Variants in NUP98 observed in about 807,000 individuals in gnomAD.
The protein encoded by NUP98 is nucleoporin 98 and 96 precursor, also known as nuclear pore complex protein Nup98-Nup96.
NUP98 carries 26 observed loss-of-function variants against 191.9 expected under a neutral mutation model. That is an observed-to-expected ratio of 0.14 (90% CI 0.10 to 0.19). The LOEUF (loss-of-function observed/expected upper bound fraction) is 0.19. NUP98 is among the 10% of genes least tolerant of loss of function. NUP98 has a pLI of 1.00. For synonymous variants in NUP98, 808 were observed against 778.4 expected (o/e 1.04, Z -0.63); for missense variants, 1,941 against 2,178.8 (o/e 0.89, Z 2.17).
chr11:3,778,433 C>T (rs1027076932), intron 4 of NUP98, among the ~76,000 whole-genome samples: 7 of 152,136 alleles, frequency 4.6e-5, no homozygotes, highest in African/African-American at 1.7e-4. Flanking sequence ...GGAGGAGTAA[C>T]CATGTCACGT....
Position 3,744,494 on chromosome 11 carries a change from G to C in NUP98, c.1408+15C>G. 6.3e-7 allele frequency: 1 copy of C among 1,587,988 alleles called. No homozygotes were observed. The highest frequency in any genetic ancestry group is 8.5e-7 in the Non-Finnish European group (1 of 1,172,140). ...AAAAAATTAAGAAAAGCCTTCTAAAGTGACTGACACTTACCTACTGGGGCC... is the reference window on the plus strand; with the variant it reads ...AAAAAATTAAGAAAAGCCTTCTAAACTGACTGACACTTACCTACTGGGGCC... On this transcript the variant is annotated intron_variant, in intron 12 of 32. Transcript: ENST00000324932.
chr11:3,762,926 A>G lies in NUP98; in HGVS notation c.1062T>C (p.Asn354=). 1 of 1,614,160 alleles carries G rather than the reference A, an allele frequency of 6.2e-7. No individual in the cohort carries two copies. Among genetic ancestry groups the G allele is most frequent in the Non-Finnish European group, 8.5e-7 (1 of 1,180,024 alleles). The change falls in exon 9 of 33, where the codon AAT becomes AAC. Residue 354 remains asparagine, a synonymous_variant. Transcript: ENST00000324932. The part of the protein sequence containing the change: ...GTGTGLFGQT[N]TGFGAVGSTL... The stretch of plus-strand genomic sequence containing the variant: ...CCGAACCAACAGCACCAAATCCAGT[A>G]TTGGTCTGCCCAAAGAGACCTGTTC...
chr11:3,752,938 T>G (rs2080818642), intron 11 of NUP98, among the ~76,000 whole-genome samples: 1 of 152,192 alleles, frequency 6.6e-6, no homozygotes, highest in Non-Finnish European at 1.5e-5. Context: ...CATGTGCTCT[T>G]ATTGCTCTGC....
Position 3,723,168 on chromosome 11 carries a change from A to C in NUP98, c.2135T>G (p.Met712Arg). Residue 712 changes from methionine (M) to arginine (R), a missense_variant, in exon 16 of 33, where the codon ATG (methionine) becomes AGG (arginine). By Grantham distance (91) the Met-to-Arg change is moderately conservative. Coordinates refer to ENST00000324932, the MANE Select transcript of NUP98 (RefSeq NM_016320.5). ...AATCTGAACCTGACCTGCTGGGTGC[A>C]TATGGTAAGAATTATTTTCTATTTC... The part of the protein sequence containing the change: ...REEIENNSYH[M>R]HPAGIILTKV... The C allele has an allele frequency of 6.2e-7, 1 of 1,614,094 alleles. No homozygotes were observed.
chr11:3,746,099 G>C (rs1223545201), intron 11 of NUP98, among the ~76,000 whole-genome samples: 1 of 151,738 alleles, frequency 6.6e-6, no homozygotes, highest in African/African-American at 2.4e-5. Context: ...GAGAAACCCT[G>C]TCTCTACTAA....
At chr11:3,706,251 T>C (rs1292162025) in intron 21 of NUP98, among the ~76,000 whole-genome samples, 194 bp downstream of exon 21, 1 of 152,208 alleles carries the variant, frequency 6.6e-6, no homozygotes, top group Non-Finnish European at 1.5e-5. Context: ...CCCTATCTAC[T>C]AGTTCTCAAT....
At chr11:3,679,140 A>G (rs1048420603) in intron 31 of NUP98, among the ~76,000 whole-genome samples, 1 of 151,816 alleles carries the variant, frequency 6.6e-6, no homozygotes, top group Non-Finnish European at 1.5e-5. Flanking sequence ...AAAAAAAAAA[A>G]AAAACTGACC....
At chr11:3,746,070 G>C (rs925171214) in intron 11 of NUP98, among the ~76,000 whole-genome samples, 2 of 151,888 alleles carry the variant, frequency 1.3e-5, no homozygotes, top group Non-Finnish European at 2.9e-5. Context: ...AGGAGTTCAA[G>C]ACCAGCCTGA....
In NUP98 at chr11:3,719,443, G is replaced by T; in HGVS notation, c.2368C>A (p.Gln790Lys). ...KEVVVYLDDNQKPPVGEGLNR... is the reference protein window; with the variant it reads ...KEVVVYLDDNKKPPVGEGLNR... ...AGCCCTTCACCCACAGGTGGTTTTT[G>T]GTTATCATCTAAGTAGACAACTACT... Residue 790 changes from glutamine to lysine, a missense_variant, in exon 18 of 33, where the codon CAA becomes AAA. Gln to Lys is a moderately conservative substitution (Grantham distance 53). Coordinates refer to ENST00000324932, the MANE Select transcript of NUP98 (RefSeq NM_016320.5). 1 of 1,596,392 alleles carries T rather than the reference G, an allele frequency of 6.3e-7. No individual in the cohort carries two copies. Among genetic ancestry groups the T allele is most frequent in the South Asian group, 1.1e-5 (1 of 87,266 alleles).
chr11:3,719,633 C>CTAT, intron 17 of NUP98, 83 bp from the exon 18 acceptor site: 1 of 1,030,894 alleles, frequency 9.7e-7, no homozygotes, highest in Non-Finnish European at 1.3e-6. Context: ...TAAACAATCA[C>CTAT]AAGGAGAAAG....
chr11:3,755,585 GGATT>G (rs1226147052), intron 10 of NUP98, among the ~76,000 whole-genome samples: 9 of 152,212 alleles, frequency 5.9e-5, no homozygotes, highest in African/African-American at 1.7e-4. Flanking sequence ...GCCAGTATTT[GGATT>G]ATTATCTCAA....
intron 28 of NUP98, among the ~76,000 whole-genome samples, chr11:3,690,424 T>A (rs1033871754): frequency 6.6e-5 from 10 of 151,994 alleles, no homozygotes; most frequent in Non-Finnish European, 7.4e-5. Flanking sequence ...CACGTCCAGA[T>A]AATTTTTTTG....
chr11:3,761,410 G>A (rs1217415895), intron 9 of NUP98, among the ~76,000 whole-genome samples: 2 of 152,008 alleles, frequency 1.3e-5, no homozygotes, highest in African/African-American at 4.8e-5. Flanking sequence ...AAGGATCCTT[G>A]AGGCCAGGAG....
At chr11:3,735,743 C>T (rs987668654) in intron 12 of NUP98, among the ~76,000 whole-genome samples, 1 of 139,892 alleles carries the variant, frequency 7.1e-6, no homozygotes, top group Non-Finnish European at 1.5e-5. Flanking sequence ...GTATACAGGG[C>T]AAGTAGTGTG....
rs1049545593 is a variant in NUP98, at chr11:3,778,640, G to A, written c.355+233C>T. 1.2e-4 allele frequency among the ~76,000 whole-genome samples: 18 copies of A among 152,140 alleles called. 1 individual carries two copies. The highest frequency in any genetic ancestry group is 2.9e-4 in the African/African-American group (12 of 41,428). ...TTTTGCATCAGGAAGCTCTTCCTCTGCATATCCCTTAAATAACAGTGCTTC... is the reference window on the plus strand; with the variant it reads ...TTTTGCATCAGGAAGCTCTTCCTCTACATATCCCTTAAATAACAGTGCTTC... On this transcript the variant is annotated intron_variant, in intron 4 of 32. Transcript: ENST00000324932.
intron 28 of NUP98, among the ~76,000 whole-genome samples, chr11:3,690,434 GTATTTTTA>G (rs2078276789): frequency 6.6e-6 from 1 of 151,586 alleles, no homozygotes; most frequent in Non-Finnish European, 1.5e-5. Flanking sequence ...TAATTTTTTT[GTATTTTTA>G]GTAGAGACAG....
intron 9 of NUP98, among the ~76,000 whole-genome samples, chr11:3,761,284 G>C (rs2081158183): frequency 6.6e-6 from 1 of 152,136 alleles, no homozygotes; most frequent in African/African-American, 2.4e-5. Flanking sequence ...ACACTTTAAA[G>C]AGACAAATTG....
chr11:3,750,954 C>T (rs555797281), intron 11 of NUP98, among the ~76,000 whole-genome samples: 1 of 152,228 alleles, frequency 6.6e-6, no homozygotes, highest in East Asian at 1.9e-4. Context: ...TTTAATTCTA[C>T]TTCATTTTCT....
chr11:3,735,756 T>A (rs1160420083), intron 12 of NUP98, among the ~76,000 whole-genome samples: 3 of 82,388 alleles, frequency 3.6e-5, no homozygotes, highest in East Asian at 7.9e-4. Flanking sequence ...GTAGTGTGTG[T>A]GTGTGTGTGT....
Sources: allele counts gnomAD v4.1 joint callset (sites outside exome capture counted in the v4.1 genomes callset), GRCh38; gene constraint gnomAD v4.1.1; transcripts MANE v1.5; gene names NCBI Gene and HGNC (gene_info 2026-07-23, HGNC 2026-07-21).